PIGN: variants seen among roughly 807,000 people sequenced by gnomAD.
PIGN encodes the protein phosphatidylinositol glycan anchor biosynthesis class N, also known as GPI ethanolamine phosphate transferase 1.
In PIGN, 117 loss-of-function variants were observed where a neutral mutation model predicts 125.4. That is an observed-to-expected ratio of 0.93 (90% CI 0.80 to 1.09). PIGN has a LOEUF of 1.09. Among genes scored for constraint, PIGN ranks in the 50% least tolerant of loss-of-function variants. The pLI is 0.00. For missense variants in PIGN, 1,075 were observed against 1,094.9 expected (o/e 0.98, Z 0.26); for synonymous variants, 392 against 377.8 (o/e 1.04, Z -0.44).
rs61310777 is a variant in PIGN, at chr18:62,167,286, A to ATG, written c.-235-3632_-235-3631dup. 2.0e-3 allele frequency among the ~76,000 whole-genome samples: 283 copies of ATG among 139,436 alleles called. 1 individual carries two copies. Among genetic ancestry groups the ATG allele is most frequent in the East Asian group, 2.9e-3 (14 of 4,856 alleles). The allele number at this position is 139,436 out of a possible 152,430, so 91.5% of individuals were successfully genotyped here. On this transcript the variant is annotated intron_variant, in intron 1 of 30. Coordinates refer to ENST00000640252, the MANE Select transcript of PIGN (RefSeq NM_176787.5). ...TAGATAGAGATATATAGAGATATAT[A>ATG]TGTGTGTGTGTGTGTGTGTGTGTGT...
rs1256252340 is a variant in PIGN at position 62,071,872 on chromosome 18, A to ATATATATATG, written c.2672+800_2672+801insCATATATATA. On this transcript the variant is annotated intron_variant, in intron 30 of 30. Transcript: ENST00000640252. ...GACTGTACTCCTTTTCCATATATATATATATATATATATATATATATATAT... is the reference window on the plus strand; with the variant it reads ...GACTGTACTCCTTTTCCATATATATATATATATATGTATATATATATATATATATATATAT... Among the ~76,000 whole-genome samples, 94 of 19,542 alleles carry ATATATATATG rather than the reference A, an allele frequency of 4.8e-3. 1 individual carries two copies. Among genetic ancestry groups the ATATATATATG allele is most frequent in the African/African-American group, 0.029 (88 of 3,066 alleles). 12.8% of individuals were successfully genotyped at this position (19,542 alleles called of 152,430 possible). A position where few individuals can be genotyped will look rare whatever the true frequency, so the allele number is the denominator to read the frequency against.
chr18:62,074,379 C>T (rs920594510), intron 29 of PIGN, among the ~76,000 whole-genome samples: 1 of 152,198 alleles, frequency 6.6e-6, no homozygotes, highest in Non-Finnish European at 1.5e-5. Context: ...AACAGAAAAG[C>T]TGTATTTCCT....
intron 29 of PIGN, among the ~76,000 whole-genome samples, chr18:62,074,072 T>C (rs558567582): frequency 7.9e-5 from 12 of 152,358 alleles, no homozygotes; most frequent in South Asian, 2.1e-4. Flanking sequence ...ATACTCCATG[T>C]GTACTGTCAC....
At chr18:62,069,548 C>T (rs1486577000) in intron 30 of PIGN, 2 of 152,172 alleles carry the variant, frequency 1.3e-5, no homozygotes, top group East Asian at 1.9e-4. Context: ...CTACAATATA[C>T]ATGAACCTTG....
At position 62,020,671 on chromosome 18, in the gene PIGN, C is replaced by T. The variant is rs564201014; in HGVS notation, c.2143-2930G>A. ...ATGGTTAAAATTTTTAAAGACTGGC[C>T]GGGCGCGGTGGCTCATGCCTGTAAT... On this transcript the variant is annotated intron_variant, in intron 23 of 24. Coordinates refer to the PIGN transcript ENST00000639600. Among the ~76,000 whole-genome samples the T allele has an allele frequency of 1.8e-3, 280 of 151,944 alleles. 4 individuals are homozygous for T. The highest frequency in any genetic ancestry group is 6.6e-3 in the African/African-American group (275 of 41,456).
intron 23 of PIGN, among the ~76,000 whole-genome samples, chr18:62,020,037 A>C (rs527362089): frequency 1.8e-4 from 28 of 152,346 alleles, no homozygotes; most frequent in African/African-American, 6.7e-4. Context: ...GGAGTTGCAG[A>C]TATCTGCATA....
At chr18:62,126,981 C>G (rs1433506428) in intron 14 of PIGN, among the ~76,000 whole-genome samples, 1 of 152,158 alleles carries the variant, frequency 6.6e-6, no homozygotes, top group Non-Finnish European at 1.5e-5. Context: ...CCCCTAACTT[C>G]CTTCCATTCC....
chr18:62,166,955 G>A (rs1372413190), intron 1 of PIGN, among the ~76,000 whole-genome samples: 1 of 152,172 alleles, frequency 6.6e-6, no homozygotes, highest in South Asian at 2.1e-4. Flanking sequence ...ATGCATGCAG[G>A]TTTTAAAACC....
At chr18:62,130,249 A>G (rs2035683311) in intron 14 of PIGN, among the ~76,000 whole-genome samples, 1 of 152,182 alleles carries the variant, frequency 6.6e-6, no homozygotes, top group African/African-American at 2.4e-5. Context: ...AGGTTGTGGT[A>G]GTTTGTTATG....
At chr18:62,174,698 C>T (rs2037458576) in intron 1 of PIGN, among the ~76,000 whole-genome samples, 1 of 151,788 alleles carries the variant, frequency 6.6e-6, no homozygotes, top group African/African-American at 2.4e-5. Context: ...TATTAAATTC[C>T]CAATATTATT....
Position 62,045,914 on chromosome 18 carries a change from T to G in PIGN, c.2738A>C (p.Gln913Pro). The part of the protein sequence containing the change: ...IFLVFLNGLA[Q>P]LLTTKKLRLC... ...TCTGAGTTTCTTCGTTGTGAGCAGC[T>G]GGGCCAGGCCATTGAGGAACACCAA... The change falls in exon 31 of 31, where the codon CAG becomes CCG. Residue 913 changes from glutamine to proline, a missense_variant. Around this residue, in one of 3 missense-constraint regions of PIGN, gnomAD observed 915 missense variants for 908.7 expected, o/e 1.01. Transcript: ENST00000640252. 1 of 1,613,798 alleles carries G rather than the reference T, an allele frequency of 6.2e-7. No homozygotes were observed. Among genetic ancestry groups the G allele is most frequent in the Non-Finnish European group, 8.5e-7 (1 of 1,179,796 alleles).
chr18:62,055,278 A>G (rs941643759), intron 30 of PIGN, among the ~76,000 whole-genome samples: 7 of 152,254 alleles, frequency 4.6e-5, no homozygotes, highest in Admixed American at 2.6e-4. Flanking sequence ...ATGATTAAAC[A>G]AACTGTGGCA....
At chr18:62,049,184 G>C (rs62096633) in intron 30 of PIGN, among the ~76,000 whole-genome samples, 6 of 151,964 alleles carry the variant, frequency 3.9e-5, no homozygotes, top group Non-Finnish European at 8.8e-5. Context: ...TGTCTTTATA[G>C]CAGCATGATT....
chr18:62,106,003 A>C (rs62095316), intron 19 of PIGN, among the ~76,000 whole-genome samples: 1 of 152,118 alleles, frequency 6.6e-6, no homozygotes, highest in Non-Finnish European at 1.5e-5. Context: ...AAATAAAATA[A>C]CCAGTATTTA....
chr18:62,030,466 T>C (rs929186214), intron 23 of PIGN, among the ~76,000 whole-genome samples: 6 of 152,162 alleles, frequency 3.9e-5, no homozygotes, highest in South Asian at 2.1e-4. Context: ...CTGGTTTCAA[T>C]TGGATCCAGA....
At chr18:62,152,759 G>A (rs2036581544) in intron 7 of PIGN, among the ~76,000 whole-genome samples, 1 of 152,076 alleles carries the variant, frequency 6.6e-6, no homozygotes, top group South Asian at 2.1e-4. Context: ...TGCACTGGTG[G>A]AAAGTCAAAA....
intron 1 of PIGN, among the ~76,000 whole-genome samples, chr18:62,182,717 C>A (rs1339845595): frequency 6.6e-6 from 1 of 152,186 alleles, no homozygotes; most frequent in East Asian, 1.9e-4. Context: ...GAACATCTTA[C>A]CCCTTGTATA....
At chr18:62,091,848 A>T (rs751234526) in intron 23 of PIGN, among the ~76,000 whole-genome samples, 2 of 152,158 alleles carry the variant, frequency 1.3e-5, no homozygotes, top group Non-Finnish European at 2.9e-5. Flanking sequence ...TTGAAAACCA[A>T]GTCTGTCTGT....
At chr18:62,053,777 T>C (rs1447216575) in intron 30 of PIGN, among the ~76,000 whole-genome samples, 1 of 152,042 alleles carries the variant, frequency 6.6e-6, no homozygotes, top group African/African-American at 2.4e-5. Context: ...GATAAAACAC[T>C]CTACCCAACA....
Sources: allele counts gnomAD v4.1 joint callset (sites outside exome capture counted in the v4.1 genomes callset), GRCh38; gene constraint gnomAD v4.1.1; regional missense constraint gnomAD v4.1.1; transcripts MANE v1.5; gene names NCBI Gene and HGNC (gene_info 2026-07-23, HGNC 2026-07-21).